SYCP2L: variants seen among roughly 807,000 people sequenced by gnomAD.
The protein encoded by SYCP2L is synaptonemal complex protein 2 like.
Under a neutral mutation model 125.8 loss-of-function variants are expected in SYCP2L, and 98 were observed. The observed-to-expected ratio is 0.78, with a 90% CI of 0.66 to 0.92. The LOEUF (loss-of-function observed/expected upper bound fraction) is 0.92, where lower values mean the gene tolerates loss of function less well. Ranked by LOEUF, SYCP2L falls within the 40% of genes least tolerant of loss-of-function variation. The probability of loss-of-function intolerance (pLI) is 0.00; values close to 1 mark genes in which losing one functional copy is unlikely to be tolerated. For synonymous variants in SYCP2L, 317 were observed against 325.4 expected, an observed-to-expected ratio of 0.97 and a Z score of 0.28; for missense variants, 842 against 936.4, an observed-to-expected ratio of 0.90 and a Z score of 1.32.
chr6:10,946,105 C>T (rs1781310856), intron 23 of SYCP2L, among the ~76,000 whole-genome samples: 2 of 152,026 alleles, frequency 1.3e-5, no homozygotes, highest in Admixed American at 1.3e-4. Context: ...CATGTACTTT[C>T]CCCCATATTT....
chr6:10,921,636 A>C lies in SYCP2L; in HGVS notation c.1073-2860A>C, dbSNP rs149312838. The stretch of plus-strand genomic sequence containing the variant: ...ATTTCTCTGATGATCAGTGATGTTG[A>C]GGTTTTTTTCATACGTTTGTTGGCT... On this transcript the variant is annotated intron_variant, in intron 14 of 29. Coordinates refer to ENST00000283141, the MANE Select transcript of SYCP2L (RefSeq NM_001040274.3). 3.3e-5 allele frequency among the ~76,000 whole-genome samples: 5 copies of C among 151,388 alleles called. No homozygotes were observed. In the East Asian group the frequency reaches 9.7e-4, roughly 29 times the overall value.
intron 1 of SYCP2L, among the ~76,000 whole-genome samples, chr6:10,888,867 C>T (rs1343513971): frequency 6.6e-6 from 1 of 152,036 alleles, no homozygotes; most frequent in Admixed American, 6.6e-5. Flanking sequence ...TGAATTAACA[C>T]CCTTTTTTTT....
intron 14 of SYCP2L, among the ~76,000 whole-genome samples, chr6:10,919,326 G>A (rs949407682): frequency 2.6e-5 from 4 of 152,090 alleles, no homozygotes; most frequent in Non-Finnish European, 2.9e-5. Flanking sequence ...GAGCCGAGCC[G>A]TAGGGACTAT....
chr6:10,922,378 A>G (rs924843948), intron 14 of SYCP2L, among the ~76,000 whole-genome samples: 7 of 151,382 alleles, frequency 4.6e-5, no homozygotes, highest in African/African-American at 1.5e-4. Flanking sequence ...GCAGTGTAGT[A>G]TGTTGGAAGC....
chr6:10,894,687 T>G (rs180754025), intron 4 of SYCP2L, among the ~76,000 whole-genome samples: 31 of 149,804 alleles, frequency 2.1e-4, no homozygotes, highest in Non-Finnish European at 3.1e-4. Flanking sequence ...TTACCCAAAT[T>G]ATCAGCTTTT....
rs114992940 is a variant in SYCP2L, at chr6:10,949,112, T to C, written c.1955-6004T>C. On this transcript the variant is annotated intron_variant, in intron 23 of 29. Coordinates refer to ENST00000283141, the MANE Select transcript of SYCP2L (RefSeq NM_001040274.3). ...TATTTTGGTTTGTTACTCTTCTCTG[T>C]TTTTATTTCTATTGTTTTCTCTTCT... Among the ~76,000 whole-genome samples the C allele has an allele frequency of 5.9e-3, 904 of 152,226 alleles. 6 individuals are homozygous for C. Among genetic ancestry groups the C allele is most frequent in the Admixed American group, 9.5e-3 (146 of 15,294 alleles).
Position 10,930,521 on chromosome 6 carries a change from C to G in SYCP2L, c.1633+7C>G. On this transcript the variant is annotated splice_region_variant and intron_variant, in intron 19 of 29. Transcript: ENST00000283141. ...ACCAGAAGTAATTTGAGAAGTAAGT[C>G]TGGCATGTCTTCTTTTGAATCACTT... The G allele has an allele frequency of 6.2e-7, 1 of 1,606,256 alleles. No individual in the cohort carries two copies. Among genetic ancestry groups the G allele is most frequent in the Non-Finnish European group, 8.5e-7 (1 of 1,176,990 alleles).
chr6:10,910,241 G>C, intron 11 of SYCP2L, 41 bp downstream of exon 11: 1 of 1,556,762 alleles, frequency 6.4e-7, no homozygotes, highest in South Asian at 1.1e-5. Flanking sequence ...GTTGTATTCT[G>C]AAAATGTCTA....
At position 10,912,940 on chromosome 6, in the gene SYCP2L, A is replaced by C; in HGVS notation, c.1072+13A>C. ...TTCAGCATAACAGGTAATATGATAC[A>C]TTTAAACAACCCACGTCCAGTTCCA... is the stretch of plus-strand genomic sequence containing the variant. On this transcript the variant is annotated intron_variant, in intron 14 of 29. Coordinates refer to ENST00000283141, the MANE Select transcript of SYCP2L (RefSeq NM_001040274.3). This position sits in a 1 kb window ranked among gnomAD's most constrained non-coding sequence, Gnocchi z 4.1. 6.2e-7 allele frequency: 1 copy of C among 1,612,218 alleles called. No individual in the cohort carries two copies. The highest frequency in any genetic ancestry group is 8.5e-7 in the Non-Finnish European group (1 of 1,179,278).
intron 2 of SYCP2L, among the ~76,000 whole-genome samples, chr6:10,892,229 T>A (rs1002466028): frequency 2.0e-5 from 3 of 152,222 alleles, no homozygotes; most frequent in Non-Finnish European, 2.9e-5. Context: ...CTGTCAGAGA[T>A]CAGATCATGC....
Position 10,930,424 on chromosome 6 carries a change from A to G in SYCP2L, c.1543A>G (p.Ser515Gly), listed in dbSNP as rs765976799. 1.2e-6 allele frequency: 2 copies of G among 1,613,772 alleles called. No homozygotes were observed. The highest frequency in any genetic ancestry group is 2.2e-5 in the East Asian group (1 of 44,784). ...TGAGAGTAATCAAGATTCAAGTACC[A>G]GTGAACTATCTTGGACCAGTAACCA... ...FSESNQDSST[S>G]ELSWTSNQKK... Residue 515 changes from serine to glycine, a missense_variant, in exon 19 of 30, where the codon AGT becomes GGT. Physicochemically the swap from Ser to Gly is moderately conservative, Grantham distance 56. Coordinates refer to ENST00000283141, the MANE Select transcript of SYCP2L (RefSeq NM_001040274.3).
chr6:10,927,570 TCA>T (rs1780920000), intron 17 of SYCP2L, among the ~76,000 whole-genome samples: 1 of 152,090 alleles, frequency 6.6e-6, no homozygotes. Context: ...AGGGTGTGGG[TCA>T]CAGAGATCAC....
rs1372976209 is a variant in SYCP2L at position 10,930,366 on chromosome 6, G to T, written c.1489-4G>T. Reference sequence around the variant, plus strand: ...AAATTCTCATTTATGATCTGTGCTTGTAGAAGTCTCATTACAGAAAACATC... The same window carrying T: ...AAATTCTCATTTATGATCTGTGCTTTTAGAAGTCTCATTACAGAAAACATC... On this transcript the variant is annotated splice_polypyrimidine_tract_variant and splice_region_variant and intron_variant, in intron 18 of 29. Transcript: ENST00000283141. 1 of 1,611,090 alleles carries T rather than the reference G, an allele frequency of 6.2e-7. No individual in the cohort carries two copies. Among genetic ancestry groups the T allele is most frequent in the Non-Finnish European group, 8.5e-7 (1 of 1,179,140 alleles).
chr6:10,913,516 A>G (rs990506988), intron 14 of SYCP2L, among the ~76,000 whole-genome samples: 5 of 151,882 alleles, frequency 3.3e-5, no homozygotes, highest in Admixed American at 3.3e-4. Context: ...GGCCATTTGT[A>G]TATCTTTTGA....
intron 4 of SYCP2L, 66 bp from the exon 5 acceptor site, chr6:10,897,945 T>G (rs1311239869): frequency 2.0e-6 from 2 of 1,019,036 alleles, no homozygotes; most frequent in African/African-American, 3.2e-5. Context: ...GAAAATTGTC[T>G]TGTGCAATTT....
intron 2 of SYCP2L, among the ~76,000 whole-genome samples, 194 bp from the exon 3 acceptor site, chr6:10,893,673 C>G (rs115880404): frequency 6.6e-6 from 1 of 152,150 alleles, no homozygotes; most frequent in Non-Finnish European, 1.5e-5. Context: ...ATTTTGGGAA[C>G]TCTTGTCTTA....
At chr6:10,895,519 A>T (rs1479615837) in intron 4 of SYCP2L, among the ~76,000 whole-genome samples, 2 of 151,974 alleles carry the variant, frequency 1.3e-5, no homozygotes, top group African/African-American at 4.8e-5. Flanking sequence ...TGAGCTAGAA[A>T]GTTAGTCCTC....
intron 29 of SYCP2L, among the ~76,000 whole-genome samples, chr6:10,972,989 A>C (rs569431602): frequency 6.6e-6 from 1 of 152,338 alleles, no homozygotes; most frequent in East Asian, 1.9e-4. Context: ...AGCACTCCCC[A>C]AAAGTGGGGG....
chr6:10,903,460 A>G (rs1780423822), intron 8 of SYCP2L, among the ~76,000 whole-genome samples: 1 of 152,128 alleles, frequency 6.6e-6, no homozygotes, highest in African/African-American at 2.4e-5. Context: ...AGGCAGGAGA[A>G]TGGCGTGAAC....
Sources: allele counts gnomAD v4.1 joint callset (sites outside exome capture counted in the v4.1 genomes callset), GRCh38; gene constraint gnomAD v4.1.1; non-coding constraint Gnocchi (gnomAD v3.1); transcripts MANE v1.5; gene names NCBI Gene and HGNC (gene_info 2026-07-23, HGNC 2026-07-21).